MTUS2: variants seen among roughly 807,000 people sequenced by gnomAD.
MTUS2 encodes the protein microtubule-associated tumor suppressor candidate 2.
MTUS2 carries 40 observed loss-of-function variants against 114.1 expected under a neutral mutation model. That is an observed-to-expected ratio of 0.35 (90% CI 0.27 to 0.46). The LOEUF is 0.46. MTUS2 is among the 20% of genes least tolerant of loss of function. The pLI is 1.00. For synonymous variants in MTUS2, 688 were observed against 672.0 expected (o/e 1.02, Z -0.37); for missense variants, 1,679 against 1,705.4 (o/e 0.98, Z 0.27).
intron 8 of MTUS2, among the ~76,000 whole-genome samples, chr13:29,399,867 A>C (rs1874192624): frequency 6.6e-6 from 1 of 152,248 alleles, no homozygotes; most frequent in Non-Finnish European, 1.5e-5. Flanking sequence ...AGTAGCATGA[A>C]TACTCGGAGT....
intron 2 of MTUS2, among the ~76,000 whole-genome samples, chr13:28,919,686 C>T (rs1409002050): frequency 6.6e-6 from 1 of 152,136 alleles, no homozygotes; most frequent in Non-Finnish European, 1.5e-5. Flanking sequence ...TCTACTTTCT[C>T]TTTAAGGCCA....
chr13:29,354,513 A>G (rs1481228172), intron 7 of MTUS2, among the ~76,000 whole-genome samples: 1 of 152,168 alleles, frequency 6.6e-6, no homozygotes, highest in Non-Finnish European at 1.5e-5. Flanking sequence ...TTATATGAAC[A>G]AAGTGTTTAT....
At chr13:28,869,255 G>C (rs1877479401) in intron 2 of MTUS2, among the ~76,000 whole-genome samples, 1 of 152,040 alleles carries the variant, frequency 6.6e-6, no homozygotes, top group African/African-American at 2.4e-5. Flanking sequence ...ATTAAAGTTG[G>C]CTCTCTCAGG....
At chr13:28,986,586 G>A (rs182877036) in intron 2 of MTUS2, among the ~76,000 whole-genome samples, 11 of 152,296 alleles carry the variant, frequency 7.2e-5, no homozygotes, top group South Asian at 2.1e-4. Flanking sequence ...CTACTCTCCC[G>A]AGCATAGAAT....
chr13:29,101,978 G>A (rs1022390568), intron 5 of MTUS2, among the ~76,000 whole-genome samples: 1 of 152,122 alleles, frequency 6.6e-6, no homozygotes, highest in Non-Finnish European at 1.5e-5. Context: ...ATTTCCCTTT[G>A]TCTTGATGTG....
chr13:29,072,588 G>A (rs772480976), intron 4 of MTUS2, among the ~76,000 whole-genome samples: 10 of 152,170 alleles, frequency 6.6e-5, no homozygotes, highest in Non-Finnish European at 1.5e-4. Flanking sequence ...TAGAATACCT[G>A]CTTTAATTTT....
chr13:29,272,311 A>C (rs140289425), intron 5 of MTUS2, among the ~76,000 whole-genome samples: 48 of 152,328 alleles, frequency 3.2e-4, no homozygotes, highest in African/African-American at 1.2e-3. Context: ...TTGTTAAAAA[A>C]AATCAGTGAA....
intron 8 of MTUS2, among the ~76,000 whole-genome samples, chr13:29,423,814 A>C (rs142418204): frequency 6.6e-6 from 1 of 152,278 alleles, no homozygotes; most frequent in Non-Finnish European, 1.5e-5. Flanking sequence ...GTTAGATAGA[A>C]TAAGTTCTAG....
At chr13:29,478,385 C>G (rs1880867170) in intron 9 of MTUS2, among the ~76,000 whole-genome samples, 1 of 152,184 alleles carries the variant, frequency 6.6e-6, no homozygotes, top group African/African-American at 2.4e-5. Context: ...TCATGTTCAG[C>G]AGGTCAGCAT....
At chr13:29,389,333 A>ATGTGTATACACGTGTG (rs1566172377) in intron 8 of MTUS2, among the ~76,000 whole-genome samples, 2 of 55,748 alleles carry the variant, frequency 3.6e-5, no homozygotes, top group Non-Finnish European at 8.0e-5. Flanking sequence ...ATGTGTGTAT[A>ATGTGTATACACGTGTG]TATGTATGCA....
intron 8 of MTUS2, among the ~76,000 whole-genome samples, chr13:29,423,493 A>G (rs1593427769): frequency 6.6e-6 from 1 of 152,250 alleles, no homozygotes; most frequent in East Asian, 1.9e-4. Context: ...TGCTAAAAGG[A>G]CAGAGGGACC....
At chr13:29,164,304 G>A (rs1318239520) in intron 5 of MTUS2, among the ~76,000 whole-genome samples, 48 of 152,148 alleles carry the variant, frequency 3.2e-4, no homozygotes, top group Admixed American at 3.1e-3. Context: ...TTCCTGGCAC[G>A]ATTTTTGCGG....
intron 5 of MTUS2, among the ~76,000 whole-genome samples, chr13:29,279,988 C>G (rs1354780923): frequency 1.3e-5 from 2 of 152,192 alleles, no homozygotes; most frequent in African/African-American, 4.8e-5. Context: ...ACAGATTATT[C>G]TGGCAGTATG....
intron 9 of MTUS2, among the ~76,000 whole-genome samples, chr13:29,466,876 CA>C (rs11296600): frequency 0.46 from 39,974 of 87,700 alleles, 4,926 homozygotes; most frequent in East Asian, 0.64. Flanking sequence ...GACCTCATCT[CA>C]AAAAAAAAAA....
chr13:29,096,937 A>G (rs558520987), intron 4 of MTUS2, among the ~76,000 whole-genome samples: 6 of 152,250 alleles, frequency 3.9e-5, no homozygotes, highest in South Asian at 2.1e-4. Flanking sequence ...TGCCTGGGGT[A>G]GTACCTCTGT....
At chr13:29,338,511 A>C (rs1901203993) in intron 7 of MTUS2, among the ~76,000 whole-genome samples, 1 of 152,084 alleles carries the variant, frequency 6.6e-6, no homozygotes, top group South Asian at 2.1e-4. Flanking sequence ...AATCGCTTGA[A>C]CCGGGGAGGC....
intron 5 of MTUS2, among the ~76,000 whole-genome samples, chr13:29,149,733 G>A (rs571454581): frequency 6.6e-6 from 1 of 151,974 alleles, no homozygotes; most frequent in South Asian, 2.1e-4. Context: ...CAATATTCTG[G>A]CTAGCTAGTT....
intron 2 of MTUS2, among the ~76,000 whole-genome samples, chr13:28,948,927 A>C (rs983070776): frequency 6.6e-6 from 1 of 152,178 alleles, no homozygotes; most frequent in Non-Finnish European, 1.5e-5. Flanking sequence ...CTTTGGACTT[A>C]AGGTTGTTCT....
At chr13:29,163,028 A>G (rs561065352) in intron 5 of MTUS2, among the ~76,000 whole-genome samples, 1 of 152,160 alleles carries the variant, frequency 6.6e-6, no homozygotes, top group East Asian at 1.9e-4. Context: ...GCATATATGT[A>G]TGTGTGTGAT....
Sources: allele counts gnomAD v4.1 joint callset (sites outside exome capture counted in the v4.1 genomes callset), GRCh38; gene constraint gnomAD v4.1.1; transcripts MANE v1.5; gene names NCBI Gene and HGNC (gene_info 2026-07-23, HGNC 2026-07-21).